Variants in GALNT5 observed in about 807,000 individuals in gnomAD.
The protein encoded by GALNT5 is UDP-GalNAc:polypeptide N-acetylgalactosaminyltransferase 5.
A neutral mutation model predicts 85.4 loss-of-function variants in GALNT5; 72 were observed. The ratio of observed to expected loss-of-function variants is 0.84; its 90% CI spans 0.70 to 1.03. The LOEUF is 1.03. Among genes scored for constraint, GALNT5 ranks in the 50% least tolerant of loss-of-function variants. GALNT5 has a pLI of 0.00. For missense variants in GALNT5, 1,137 were observed against 1,135.5 expected (o/e 1.00, Z -0.02); for synonymous variants, 404 against 397.0 (o/e 1.02, Z -0.21).
chr2:157,259,433 A>C lies in GALNT5; in HGVS notation c.1351A>C (p.Lys451Gln), dbSNP rs760502803. Reference protein sequence around the residue: ...FGRPVVVPHGKEKEAERRWKE... With the variant: ...FGRPVVVPHGQEKEAERRWKE... ...GCGTCCTGTAGTTGTCCCCCATGGA[A>C]AGGAGAAGGAGGCAGAAAGAAGATG... is the stretch of plus-strand genomic sequence containing the variant. The change falls in exon 1 of 10, where the codon AAG becomes CAG. Residue 451 changes from lysine to glutamine, a missense_variant. Physicochemically the swap from Lys to Gln is moderately conservative, Grantham distance 53. Transcript: ENST00000259056. 4 of 1,473,620 alleles carry C rather than the reference A, an allele frequency of 2.7e-6. No individual in the cohort carries two copies. In the Admixed American group the frequency reaches 9.3e-5, roughly 34 times the overall value. 91.3% of individuals were successfully genotyped at this position (1,473,620 alleles called of 1,614,324 possible). A position where few individuals can be genotyped will look rare whatever the true frequency, so the allele number is the denominator to read the frequency against.
chr2:157,317,191 TA>T lies in GALNT5; in HGVS notation c.*5844del, dbSNP rs1337768849. On this transcript the variant is annotated 3_prime_UTR_variant, in exon 10 of 10. Transcript: ENST00000259056. ...ATGTGTGTGTATATATATATATATA[TA>T]TATATATTTTTTTTTTTGATGCTTT... 0.013 allele frequency among the ~76,000 whole-genome samples: 1,844 copies of T among 140,848 alleles called. 34 individuals carry two copies. The highest frequency in any genetic ancestry group is 0.047 in the African/African-American group (1,740 of 37,366). The allele number at this position is 140,848 out of a possible 152,430, so 92.4% of individuals were successfully genotyped here. A position where few individuals can be genotyped will look rare whatever the true frequency, so the allele number is the denominator to read the frequency against.
rs1277121347 is a variant in GALNT5, at chr2:157,317,932, G to A, written c.*6584G>A. On this transcript the variant is annotated 3_prime_UTR_variant, in exon 10 of 10. Transcript: ENST00000259056. Reference sequence around the variant, plus strand: ...AAACAATACTGAGTTTTGAAGTTAAGTAGAATATTGTAGGGGTTATCAGAA... The same window carrying A: ...AAACAATACTGAGTTTTGAAGTTAAATAGAATATTGTAGGGGTTATCAGAA... Among the ~76,000 whole-genome samples, 1 of 152,082 alleles carries A rather than the reference G, an allele frequency of 6.6e-6. No individual in the cohort carries two copies. Among genetic ancestry groups the A allele is most frequent in the African/African-American group, 2.4e-5 (1 of 41,424 alleles).
rs186101737 is a variant in GALNT5 at position 157,263,891 on chromosome 2, T to G, written c.1454+4355T>G. Among the ~76,000 whole-genome samples, 18 of 152,326 alleles carry G rather than the reference T, an allele frequency of 1.2e-4. No individual in the cohort carries two copies. In the East Asian group the frequency reaches 3.1e-3, roughly 26 times the overall value. On this transcript the variant is annotated intron_variant, in intron 1 of 9. Coordinates refer to ENST00000259056, the MANE Select transcript of GALNT5 (RefSeq NM_014568.3). ...CTATAATCTATTCATTAATTTGTGT[T>G]TATCCCTTATTTTATATTTTTGTTA...
rs1488625384 is a variant in GALNT5 at position 157,258,553 on chromosome 2, G to A, written c.471G>A (p.Gln157=). 2 of 1,613,052 alleles carry A rather than the reference G, an allele frequency of 1.2e-6. No individual in the cohort carries two copies. The highest frequency in any genetic ancestry group is 2.7e-5 in the African/African-American group (2 of 74,638). The part of the protein sequence containing the change: ...RGTKPEASSH[Q]GTPKQTTAQG... ...CCAAACCTGAAGCCTCCTCTCACCAGGGGACACCAAAGCAAACGACAGCTC... is the reference window on the plus strand; with the variant it reads ...CCAAACCTGAAGCCTCCTCTCACCAAGGGACACCAAAGCAAACGACAGCTC... The change falls in exon 1 of 10, where the codon CAG becomes CAA. Residue 157 remains glutamine (Q), a synonymous_variant. Transcript: ENST00000259056.
intron 1 of GALNT5, among the ~76,000 whole-genome samples, chr2:157,271,249 G>C (rs1209237184): frequency 6.6e-6 from 1 of 152,248 alleles, no homozygotes. Flanking sequence ...AATAACAAAA[G>C]CTGGAGTGTT....
At chr2:157,263,715 T>C (rs1356338869) in intron 1 of GALNT5, among the ~76,000 whole-genome samples, 1 of 152,248 alleles carries the variant, frequency 6.6e-6, no homozygotes, top group Non-Finnish European at 1.5e-5. Context: ...TTTTGAAAAT[T>C]GATACTACTT....
intron 1 of GALNT5, among the ~76,000 whole-genome samples, chr2:157,263,612 T>C (rs988194919): frequency 2.0e-5 from 3 of 152,258 alleles, no homozygotes; most frequent in African/African-American, 4.8e-5. Context: ...TTTAGCTTTA[T>C]TTTGTACTCC....
chr2:157,302,272 T>C lies in GALNT5; in HGVS notation c.2439+1273T>C, dbSNP rs532377123. On this transcript the variant is annotated intron_variant, in intron 7 of 9. Coordinates refer to ENST00000259056, the MANE Select transcript of GALNT5 (RefSeq NM_014568.3). ...AAATCTCCTGATAGCAAAAACTTACTATAATATTCCCCCTTGAAAGTATTC... is the reference window on the plus strand; with the variant it reads ...AAATCTCCTGATAGCAAAAACTTACCATAATATTCCCCCTTGAAAGTATTC... The C allele has an allele frequency of 8.5e-5, 13 of 152,302 alleles. 1 individual carries two copies. Among genetic ancestry groups the C allele is most frequent in the African/African-American group, 2.9e-4 (12 of 41,572 alleles). 9.4% of individuals were successfully genotyped at this position (152,302 alleles called of 1,614,324 possible).
rs926487407 is a variant in GALNT5 at position 157,312,546 on chromosome 2, A to T, written c.*1198A>T. On this transcript the variant is annotated 3_prime_UTR_variant, in exon 10 of 10. Transcript: ENST00000259056. ...CAAATTTGGGAAAAGTTAAATACTG[A>T]TTTCATCCAAATAAAGCCTCTAATC... 2 of 152,118 alleles carry T rather than the reference A, an allele frequency of 1.3e-5. No individual in the cohort carries two copies. Among genetic ancestry groups the T allele is most frequent in the African/African-American group, 4.8e-5 (2 of 41,444 alleles). 9.4% of individuals were successfully genotyped at this position (152,118 alleles called of 1,614,324 possible).
In GALNT5 at chr2:157,315,361, C is replaced by T. The variant is rs953136894; in HGVS notation, c.*4013C>T. On this transcript the variant is annotated 3_prime_UTR_variant, in exon 10 of 10. Coordinates refer to ENST00000259056, the MANE Select transcript of GALNT5 (RefSeq NM_014568.3). ...GTCATCCCACAAGTAAGAGATAAAA[C>T]CCAGTTTCCATTTTATCTGGCTCAA... 6.6e-6 allele frequency among the ~76,000 whole-genome samples: 1 copy of T among 152,126 alleles called. No homozygotes were observed. The highest frequency in any genetic ancestry group is 1.5e-5 in the Non-Finnish European group (1 of 68,004).
At chr2:157,300,509 A>G (rs1683317467) in intron 6 of GALNT5, among the ~76,000 whole-genome samples, 167 bp from the exon 7 acceptor site, 2 of 152,250 alleles carry the variant, frequency 1.3e-5, no homozygotes, top group Non-Finnish European at 2.9e-5. Flanking sequence ...ACAGCAATAC[A>G]CAAAATTAAA....
chr2:157,294,811 C>T (rs1683177435), intron 3 of GALNT5, among the ~76,000 whole-genome samples: 1 of 150,102 alleles, frequency 6.7e-6, no homozygotes, highest in Non-Finnish European at 1.5e-5. Flanking sequence ...CACACACACA[C>T]ACACACACAC....
At chr2:157,279,326 G>A (rs7573724) in intron 1 of GALNT5, among the ~76,000 whole-genome samples, 25,467 of 152,250 alleles carry the variant, frequency 0.17, 4,745 homozygotes, top group African/African-American at 0.46. Flanking sequence ...GAGCTCAAAC[G>A]CCGTGCTGGG....
At chr2:157,280,973 G>C (rs550238984) in intron 1 of GALNT5, among the ~76,000 whole-genome samples, 173 of 152,296 alleles carry the variant, frequency 1.1e-3, no homozygotes, top group African/African-American at 3.8e-3. Context: ...GCAGATGGCA[G>C]AGCCATGCTT....
intron 1 of GALNT5, among the ~76,000 whole-genome samples, chr2:157,281,421 C>T (rs78778993): frequency 0.069 from 10,514 of 152,012 alleles, 1,212 homozygotes; most frequent in African/African-American, 0.24. Context: ...AGGTAGAGGC[C>T]GGAAGAATTC....
intron 1 of GALNT5, among the ~76,000 whole-genome samples, chr2:157,282,952 A>G (rs536137827): frequency 5.9e-5 from 9 of 152,208 alleles, no homozygotes; most frequent in Admixed American, 5.9e-4. Context: ...TTGCTTTACT[A>G]TCGTTTTTGC....
At position 157,258,952 on chromosome 2, in the gene GALNT5, G is replaced by A; in HGVS notation, c.870G>A (p.Lys290=). The A allele has an allele frequency of 6.5e-7, 1 of 1,527,474 alleles. No homozygotes were observed. Among genetic ancestry groups the A allele is most frequent in the Non-Finnish European group, 8.8e-7 (1 of 1,140,530 alleles). The allele number at this position is 1,527,474 out of a possible 1,614,324, so 94.6% of individuals were successfully genotyped here. The part of the protein sequence containing the change: ...KFTVNSNRLR[K]QSINETPLGS... Reference sequence around the variant, plus strand: ...CTGTCAATTCAAATCGCTTAAGGAAGCAATCTATTAATGAGACACCTTTGG... The same window carrying A: ...CTGTCAATTCAAATCGCTTAAGGAAACAATCTATTAATGAGACACCTTTGG... The change falls in exon 1 of 10, where the codon AAG becomes AAA. Residue 290 remains lysine, a synonymous_variant. Coordinates refer to ENST00000259056, the MANE Select transcript of GALNT5 (RefSeq NM_014568.3).
chr2:157,295,918 T>C, intron 4 of GALNT5, 120 bp downstream of exon 4: 1 of 694,448 alleles, frequency 1.4e-6, no homozygotes, highest in Non-Finnish European at 2.4e-6. Flanking sequence ...ATACAGTTTA[T>C]CTACTTAAAT....
In GALNT5 at chr2:157,300,994, G is replaced by A. The variant is rs1389814712; in HGVS notation, c.2434G>A (p.Gly812Ser). ...AAGGGCTCCCATTGTGAGAGCTAGT[G>A]GTGTGGTAAGTTCAAGTGGCAATTT... is the stretch of plus-strand genomic sequence containing the variant. The part of the protein sequence containing the change: ...DLRAPIVRAS[G>S]VLINVALGKC... Residue 812 changes from glycine (G) to serine (S), a missense_variant, in exon 7 of 10, where the codon GGT (glycine) becomes AGT (serine). Coordinates refer to ENST00000259056, the MANE Select transcript of GALNT5 (RefSeq NM_014568.3). 6.2e-7 allele frequency: 1 copy of A among 1,607,560 alleles called. No homozygotes were observed. Among genetic ancestry groups the A allele is most frequent in the East Asian group, 2.2e-5 (1 of 44,838 alleles).
Sources: gnomAD v4.1 joint callset for allele counts (sites outside exome capture counted in the v4.1 genomes callset) on GRCh38, gnomAD v4.1.1 for gene constraint, MANE v1.5 for transcripts, NCBI Gene and HGNC (gene_info 2026-07-23, HGNC 2026-07-21) for gene names.